The following RHD variants were observed in gnomAD, a reference collection of about 807,000 sequenced individuals.
RHD encodes the protein Rh blood group D antigen, also known as blood group Rh(D) polypeptide.
A neutral mutation model predicts 45.5 loss-of-function variants in RHD; 16 were observed. The ratio of observed to expected loss-of-function variants is 0.35; its 90% CI spans 0.24 to 0.53. RHD has a LOEUF of 0.53. Among genes scored for constraint, RHD ranks in the 20% least tolerant of loss-of-function variants. The probability of loss-of-function intolerance (pLI) is 0.92; values close to 1 mark genes in which losing one functional copy is unlikely to be tolerated. For synonymous variants in RHD, 131 were observed against 217.5 expected, an observed-to-expected ratio of 0.60 and a Z score of 3.50; for missense variants, 306 against 532.0, an observed-to-expected ratio of 0.58 and a Z score of 4.18.
At position 25,289,921 on chromosome 1, in the gene RHD, C is replaced by T. The variant is rs602174; in HGVS notation, c.336-720C>T. Reference sequence around the variant, plus strand: ...CAAAGGAAGGAAGGAATCATAATAGCGTTAATAAGGCTAGCGTCTTTTCAG... The same window carrying T: ...CAAAGGAAGGAAGGAATCATAATAGTGTTAATAAGGCTAGCGTCTTTTCAG... On this transcript the variant is annotated intron_variant, in intron 2 of 9. Coordinates refer to ENST00000328664, the MANE Select transcript of RHD (RefSeq NM_016124.6). Among the ~76,000 whole-genome samples, 348 of 130,072 alleles carry T rather than the reference C, an allele frequency of 2.7e-3. 39 individuals carry two copies. Among genetic ancestry groups the T allele is most frequent in the African/African-American group, 8.1e-3 (305 of 37,522 alleles). The allele number at this position is 130,072 out of a possible 152,430, so 85.3% of individuals were successfully genotyped here. A position where few individuals can be genotyped will look rare whatever the true frequency, so the allele number is the denominator to read the frequency against.
In RHD at chr1:25,314,655, A is replaced by G. The variant is rs1360418519; in HGVS notation, c.1074-2345A>G. Among the ~76,000 whole-genome samples, 5 of 131,970 alleles carry G rather than the reference A, an allele frequency of 3.8e-5. 1 individual carries two copies. In the South Asian group the frequency reaches 9.3e-4, roughly 25 times the overall value. The allele number at this position is 131,970 out of a possible 152,430, so 86.6% of individuals were successfully genotyped here. A position where few individuals can be genotyped will look rare whatever the true frequency, so the allele number is the denominator to read the frequency against. On this transcript the variant is annotated intron_variant, in intron 7 of 9. Transcript: ENST00000328664. ...ATTACAGGCGCATGCCACCATGCCC[A>G]GCTAACTTCTGTATAGACAAAATAA...
At chr1:25,305,015 C>G (rs1406276572) in intron 6 of RHD, among the ~76,000 whole-genome samples, 3 of 132,656 alleles carry the variant, frequency 2.3e-5, no homozygotes, top group Non-Finnish European at 5.3e-5. Context: ...TAACACTCAT[C>G]TTGCTTTTCA....
At chr1:25,288,886 C>T (rs28644387) in intron 2 of RHD, among the ~76,000 whole-genome samples, 11,202 of 129,902 alleles carry the variant, frequency 0.086, 2,381 homozygotes, top group African/African-American at 0.28. Context: ...TGTCCAGGCA[C>T]GATGGAACAT....
At chr1:25,307,761 G>T (rs775582110) in intron 7 of RHD, 1 of 1,305,940 alleles carries the variant, frequency 7.7e-7, no homozygotes, top group South Asian at 1.3e-5. Flanking sequence ...CCGGTTCTTG[G>T]ATGCCTTCTA....
chr1:25,287,247 T>C (rs1642106177), intron 2 of RHD, among the ~76,000 whole-genome samples: 1 of 135,544 alleles, frequency 7.4e-6, no homozygotes. Context: ...TGGTTTGGTG[T>C]TGCTGCCTTA....
rs186550697 is a variant in RHD, at chr1:25,302,780, G to A, written c.802-542G>A. ...ATTCATGTTCTATGCCAGACACTGG[G>A]CTAAGAGCTTTATATGTGGAAACTC... On this transcript the variant is annotated intron_variant, in intron 5 of 9. Coordinates refer to ENST00000328664, the MANE Select transcript of RHD (RefSeq NM_016124.6). Among the ~76,000 whole-genome samples, 15 of 130,818 alleles carry A rather than the reference G, an allele frequency of 1.1e-4. 4 individuals carry two copies. Among genetic ancestry groups the A allele is most frequent in the Non-Finnish European group, 2.2e-4 (12 of 55,462 alleles). 85.8% of individuals were successfully genotyped at this position (130,818 alleles called of 152,430 possible). A position where few individuals can be genotyped will look rare whatever the true frequency, so the allele number is the denominator to read the frequency against.
intron 1 of RHD, among the ~76,000 whole-genome samples, 183 bp downstream of exon 1, chr1:25,272,878 A>AGCCT (rs1640615575): frequency 7.6e-6 from 1 of 131,986 alleles, no homozygotes; most frequent in Non-Finnish European, 1.8e-5. Context: ...CTTTAGAAGC[A>AGCCT]GCCTGGGCAT....
intron 9 of RHD, among the ~76,000 whole-genome samples, chr1:25,322,763 C>T (rs1471645904): frequency 1.7e-5 from 2 of 120,160 alleles, no homozygotes; most frequent in African/African-American, 5.6e-5. Context: ...ATTCAGGAGT[C>T]CTTTATTAGC....
At chr1:25,280,648 A>G (rs115252256) in intron 1 of RHD, among the ~76,000 whole-genome samples, 2,521 of 91,428 alleles carry the variant, frequency 0.028, 277 homozygotes, top group African/African-American at 0.089. Flanking sequence ...TCCCTCTGTC[A>G]CCCAGGCTGC....
Position 25,320,360 on chromosome 1 carries a change from T to C in RHD, c.1154-1529T>C, listed in dbSNP as rs527894424. Among the ~76,000 whole-genome samples, 19 of 132,144 alleles carry C rather than the reference T, an allele frequency of 1.4e-4. 1 individual carries two copies. Among genetic ancestry groups the C allele is most frequent in the African/African-American group, 4.9e-4 (19 of 38,920 alleles). The allele number at this position is 132,144 out of a possible 152,430, so 86.7% of individuals were successfully genotyped here. A position where few individuals can be genotyped will look rare whatever the true frequency, so the allele number is the denominator to read the frequency against. On this transcript the variant is annotated intron_variant, in intron 8 of 9. Transcript: ENST00000328664. ...ATTTTTTTTAAAAAAAGTCTAAATA[T>C]GTTTAATGTTGTCTCAGAAGACAAA...
chr1:25,315,390 G>A (rs1644384953), intron 7 of RHD, among the ~76,000 whole-genome samples: 2 of 130,290 alleles, frequency 1.5e-5, no homozygotes, highest in South Asian at 2.3e-4. Flanking sequence ...CGGAAGGGGG[G>A]ATGGCTGCCT....
At chr1:25,276,957 C>T (rs1313247538) in intron 1 of RHD, among the ~76,000 whole-genome samples, 1 of 131,012 alleles carries the variant, frequency 7.6e-6, no homozygotes, top group Non-Finnish European at 1.8e-5. Flanking sequence ...GTCCCAGCTA[C>T]TTGGGAGGCT....
rs926146540 is a variant in RHD, at chr1:25,315,036, C to T, written c.1074-1964C>T. On this transcript the variant is annotated intron_variant, in intron 7 of 9. Transcript: ENST00000328664. ...TGGCCAACATGGTGAAGCCCTGTGCCTACTAAAAATACAAAAAATTAGCTG... is the reference window on the plus strand; with the variant it reads ...TGGCCAACATGGTGAAGCCCTGTGCTTACTAAAAATACAAAAAATTAGCTG... Among the ~76,000 whole-genome samples, 4 of 129,044 alleles carry T rather than the reference C, an allele frequency of 3.1e-5. 1 individual carries two copies. Among genetic ancestry groups the T allele is most frequent in the East Asian group, 2.0e-4 (1 of 5,102 alleles). 84.7% of individuals were successfully genotyped at this position (129,044 alleles called of 152,430 possible). A position where few individuals can be genotyped will look rare whatever the true frequency, so the allele number is the denominator to read the frequency against.
In RHD at chr1:25,298,778, C is replaced by G. The variant is rs1390432312; in HGVS notation, c.487-2168C>G. Among the ~76,000 whole-genome samples the G allele has an allele frequency of 4.6e-5, 6 of 131,008 alleles. 1 individual carries two copies. Among genetic ancestry groups the G allele is most frequent in the African/African-American group, 7.9e-5 (3 of 37,960 alleles). The allele number at this position is 131,008 out of a possible 152,430, so 85.9% of individuals were successfully genotyped here. On this transcript the variant is annotated intron_variant, in intron 3 of 9. Coordinates refer to ENST00000328664, the MANE Select transcript of RHD (RefSeq NM_016124.6). Reference sequence around the variant, plus strand: ...GGAACGTCTGTTCCAGAAGGAAAGACTGCCAATAAACAATAAAATAGGCAA... The same window carrying G: ...GGAACGTCTGTTCCAGAAGGAAAGAGTGCCAATAAACAATAAAATAGGCAA...
intron 1 of RHD, among the ~76,000 whole-genome samples, chr1:25,275,635 A>G (rs966449870): frequency 7.5e-6 from 1 of 133,404 alleles, no homozygotes; most frequent in Non-Finnish European, 1.8e-5. Flanking sequence ...GTATGTTACA[A>G]TAAATACATA....
rs1392313330 is a variant in RHD, at chr1:25,307,378, A to T, written c.1073+649A>T. On this transcript the variant is annotated intron_variant, in intron 7 of 9. Coordinates refer to ENST00000328664, the MANE Select transcript of RHD (RefSeq NM_016124.6). ...CAGAGCCCTAGCCATTACTTCCTGG[A>T]TGTTGTGTGAATATTTTCTGGACAT... Among the ~76,000 whole-genome samples, 2 of 131,406 alleles carry T rather than the reference A, an allele frequency of 1.5e-5. 1 individual carries two copies. The highest frequency in any genetic ancestry group is 5.2e-5 in the African/African-American group (2 of 38,182). The allele number at this position is 131,406 out of a possible 152,430, so 86.2% of individuals were successfully genotyped here.
rs535847125 is a variant in RHD at position 25,318,994 on chromosome 1, G to A, written c.1153+1915G>A. 1.1e-4 allele frequency among the ~76,000 whole-genome samples: 15 copies of A among 133,074 alleles called. 4 individuals are homozygous for A. The South Asian group carries it at 2.1e-3, about 18-fold the overall frequency. 87.3% of individuals were successfully genotyped at this position (133,074 alleles called of 152,430 possible). A position where few individuals can be genotyped will look rare whatever the true frequency, so the allele number is the denominator to read the frequency against. On this transcript the variant is annotated intron_variant, in intron 8 of 9. Coordinates refer to ENST00000328664, the MANE Select transcript of RHD (RefSeq NM_016124.6). ...AGTAGCGTTAATTCCGTAAGTTAACGTTCAGTTCGTGGCAGCTGGCAATCC... is the reference window on the plus strand; with the variant it reads ...AGTAGCGTTAATTCCGTAAGTTAACATTCAGTTCGTGGCAGCTGGCAATCC...
rs1644930350 is a variant in RHD at position 25,329,222 on chromosome 1, T to G, written c.*298T>G. ...GGTCATCCAGTAAGCTAAGGTTAAT[T>G]TATTATTATTCCTTGTTTTTTTTTT... On this transcript the variant is annotated 3_prime_UTR_variant, in exon 10 of 10. Coordinates refer to ENST00000328664, the MANE Select transcript of RHD (RefSeq NM_016124.6). 3 of 693,326 alleles carry G rather than the reference T, an allele frequency of 4.3e-6. No homozygotes were observed. The highest frequency in any genetic ancestry group is 7.1e-6 in the Non-Finnish European group (3 of 425,056). The allele number at this position is 693,326 out of a possible 1,614,324, so 42.9% of individuals were successfully genotyped here. A position where few individuals can be genotyped will look rare whatever the true frequency, so the allele number is the denominator to read the frequency against.
Position 25,321,912 on chromosome 1 carries a change from T to G in RHD, c.1177T>G (p.Trp393Gly). The G allele has an allele frequency of 1.5e-6, 2 of 1,331,308 alleles. 1 individual carries two copies. The highest frequency in any genetic ancestry group is 2.1e-6 in the Non-Finnish European group (2 of 936,672). 82.5% of individuals were successfully genotyped at this position (1,331,308 alleles called of 1,614,324 possible). ...LTGLLLNLKI[W>G]KAPHEAKYFD... ...AGGTTTGCTCCTAAATCTTAAAATA[T>G]GGAAAGCACCTCATGAGGCTAAATA... Residue 393 changes from tryptophan to glycine, a missense_variant, in exon 9 of 10, where the codon TGG (tryptophan) becomes GGG (glycine). Transcript: ENST00000328664.
Sources: allele counts gnomAD v4.1 joint callset (sites outside exome capture counted in the v4.1 genomes callset), GRCh38; gene constraint gnomAD v4.1.1; transcripts MANE v1.5; gene names NCBI Gene and HGNC (gene_info 2026-07-23, HGNC 2026-07-21).